Variants in UGT2A2 observed in about 807,000 individuals in gnomAD.
The protein encoded by UGT2A2 is UDP glucuronosyltransferase family 2 member A2, also known as UDP-glucuronosyltransferase 2A2.
A neutral mutation model predicts 50.7 loss-of-function variants in UGT2A2; 60 were observed. The observed-to-expected ratio is 1.18, with a 90% CI of 0.96 to 1.47. UGT2A2 has a LOEUF of 1.47. UGT2A2 is among the 40% of genes most tolerant of loss of function. The pLI is 0.00. For missense variants in UGT2A2, 762 were observed against 634.0 expected, an observed-to-expected ratio of 1.20 and a Z score of -2.17; for synonymous variants, 242 against 214.6, an observed-to-expected ratio of 1.13 and a Z score of -1.11.
At chr4:69,635,135 A>ATT (rs1220913295) in intron 1 of UGT2A2, among the ~76,000 whole-genome samples, 4 of 152,190 alleles carry the variant, frequency 2.6e-5, no homozygotes, top group Non-Finnish European at 5.9e-5. Flanking sequence ...ATAAAAATAA[A>ATT]TTTAAAAAGA....
intron 1 of UGT2A2, among the ~76,000 whole-genome samples, chr4:69,616,878 C>T (rs889631019): frequency 5.5e-4 from 60 of 109,280 alleles, no homozygotes; most frequent in African/African-American, 1.9e-3. Context: ...TTTCATTTTC[C>T]CACTTGAAAT....
At chr4:69,617,861 A>C (rs1364583377) in intron 1 of UGT2A2, among the ~76,000 whole-genome samples, 1 of 151,912 alleles carries the variant, frequency 6.6e-6, no homozygotes, top group African/African-American at 2.4e-5. Context: ...CTTATGTAAA[A>C]ATCTTCAATA....
At chr4:69,594,996 T>G (rs1295010270) in intron 4 of UGT2A2, among the ~76,000 whole-genome samples, 166 bp downstream of exon 4, 1 of 152,226 alleles carries the variant, frequency 6.6e-6, no homozygotes, top group Non-Finnish European at 1.5e-5. Flanking sequence ...AGAGGAAGCC[T>G]GAGTCTATAA....
At chr4:69,635,055 G>C (rs1434243113) in intron 1 of UGT2A2, among the ~76,000 whole-genome samples, 1 of 151,960 alleles carries the variant, frequency 6.6e-6, no homozygotes, top group African/African-American at 2.4e-5. Flanking sequence ...TTGCATGTCT[G>C]TATCAAAACA....
intron 1 of UGT2A2, among the ~76,000 whole-genome samples, chr4:69,621,664 G>A (rs1720766009): frequency 6.6e-6 from 1 of 151,766 alleles, no homozygotes; most frequent in Non-Finnish European, 1.5e-5. Flanking sequence ...TACACCGAAA[G>A]GAATATAAAT....
chr4:69,600,275 C>A (rs746387602), intron 1 of UGT2A2, among the ~76,000 whole-genome samples: 12 of 152,128 alleles, frequency 7.9e-5, no homozygotes, highest in Non-Finnish European at 1.6e-4. Flanking sequence ...TGAGAAAGAG[C>A]AGCATCTGGA....
rs193188070 is a variant in UGT2A2 at position 69,608,032 on chromosome 4, A to G, written c.743-8638T>C. On this transcript the variant is annotated intron_variant, in intron 1 of 5. Coordinates refer to ENST00000604629, the MANE Select transcript of UGT2A2 (RefSeq NM_001105677.2). ...TGTGGCAATTTCTCAGGGATCTAGA[A>G]TTAGAAATACCATTTGATCCAGCCA... Among the ~76,000 whole-genome samples, 267 of 152,292 alleles carry G rather than the reference A, an allele frequency of 1.8e-3. 3 individuals are homozygous for G. The highest frequency in any genetic ancestry group is 5.7e-3 in the African/African-American group (237 of 41,564).
chr4:69,594,287 T>C (rs1365864107), intron 5 of UGT2A2, among the ~76,000 whole-genome samples, 190 bp downstream of exon 5: 1 of 152,172 alleles, frequency 6.6e-6, no homozygotes, highest in Non-Finnish European at 1.5e-5. Flanking sequence ...ATTTGAAGTC[T>C]TAGGATTTTC....
chr4:69,590,480 C>T (rs1331034889), intron 5 of UGT2A2, among the ~76,000 whole-genome samples: 1 of 152,000 alleles, frequency 6.6e-6, no homozygotes, highest in African/African-American at 2.4e-5. Flanking sequence ...AAAGTTCCAG[C>T]CTGGATTCAT....
rs540952018 is a variant in UGT2A2 at position 69,604,651 on chromosome 4, T to A, written c.743-5257A>T. On this transcript the variant is annotated intron_variant, in intron 1 of 5. Coordinates refer to ENST00000604629, the MANE Select transcript of UGT2A2 (RefSeq NM_001105677.2). The stretch of plus-strand genomic sequence containing the variant: ...AAATTGGATAAAGAGCCAAGACCCA[T>A]CAGTGTGCTGTATTCAGGAAACCCA... 1.9e-4 allele frequency among the ~76,000 whole-genome samples: 26 copies of A among 136,750 alleles called. 4 individuals are homozygous for A. The highest frequency in any genetic ancestry group is 4.0e-4 in the Non-Finnish European group (26 of 64,282). The allele number at this position is 136,750 out of a possible 152,430, so 89.7% of individuals were successfully genotyped here. A position where few individuals can be genotyped will look rare whatever the true frequency, so the allele number is the denominator to read the frequency against.
chr4:69,603,619 G>C (rs745822968), intron 1 of UGT2A2: 1 of 136,300 alleles, frequency 7.3e-6, no homozygotes, highest in Non-Finnish European at 1.6e-5. Context: ...AAACTGCTCC[G>C]AGCTACAGGA....
At chr4:69,589,700 T>G (rs1345400667) in intron 5 of UGT2A2, 49 bp from the exon 6 acceptor site, 1 of 1,559,492 alleles carries the variant, frequency 6.4e-7, no homozygotes. Context: ...TGTTTTTATT[T>G]TCATTGAAGA....
At chr4:69,637,401 A>G (rs1721771693) in intron 1 of UGT2A2, among the ~76,000 whole-genome samples, 1 of 152,180 alleles carries the variant, frequency 6.6e-6, no homozygotes, top group South Asian at 2.1e-4. Context: ...AAAAAGATAT[A>G]TTCAAATACC....
At chr4:69,599,621 C>G in intron 1 of UGT2A2, 1 of 467,974 alleles carries the variant, frequency 2.1e-6, no homozygotes, top group Non-Finnish European at 3.4e-6. Context: ...GGGAGGAAGG[C>G]AGGCAAGCAG....
chr4:69,600,348 T>C (rs761537702), intron 1 of UGT2A2, among the ~76,000 whole-genome samples: 1 of 152,140 alleles, frequency 6.6e-6, no homozygotes, highest in Non-Finnish European at 1.5e-5. Context: ...TAATCCTATA[T>C]CACAAGGGAC....
intron 1 of UGT2A2, among the ~76,000 whole-genome samples, chr4:69,625,676 G>A (rs1349227407): frequency 6.6e-6 from 1 of 150,394 alleles, no homozygotes; most frequent in African/African-American, 2.4e-5. Flanking sequence ...CCCTATTTTT[G>A]TTTTTAGGTC....
intron 1 of UGT2A2, among the ~76,000 whole-genome samples, chr4:69,614,930 G>A (rs185990442): frequency 1.7e-4 from 26 of 152,156 alleles, no homozygotes; most frequent in Admixed American, 1.2e-3. Flanking sequence ...GTGGTGGAAG[G>A]GCAATGGGGA....
At chr4:69,623,870 T>G (rs1720893135) in intron 1 of UGT2A2, among the ~76,000 whole-genome samples, 2 of 151,640 alleles carry the variant, frequency 1.3e-5, no homozygotes, top group South Asian at 4.1e-4. Context: ...CAAAAGCATT[T>G]CAGAAAATAC....
chr4:69,634,045 A>C (rs1301732542), intron 1 of UGT2A2, among the ~76,000 whole-genome samples: 1 of 152,038 alleles, frequency 6.6e-6, no homozygotes, highest in Non-Finnish European at 1.5e-5. Context: ...GGAGATCGAG[A>C]CCATCCTGGC....
Sources: allele counts gnomAD v4.1 joint callset (sites outside exome capture counted in the v4.1 genomes callset), GRCh38; gene constraint gnomAD v4.1.1; transcripts MANE v1.5; gene names NCBI Gene and HGNC (gene_info 2026-07-23, HGNC 2026-07-21).